Variants in TACC2 observed in about 807,000 individuals in gnomAD.
TACC2 encodes transforming acidic coiled-coil-containing protein 2.
In TACC2, 137 loss-of-function variants were observed where a neutral mutation model predicts 227.3. The ratio of observed to expected loss-of-function variants is 0.60; its 90% CI spans 0.52 to 0.69. The LOEUF is 0.69. TACC2 is among the 30% of genes least tolerant of loss of function. The pLI is 0.00. For missense variants in TACC2, 3,470 were observed against 3,694.4 expected, an observed-to-expected ratio of 0.94 and a Z score of 1.57; for synonymous variants, 1,523 against 1,487.5, an observed-to-expected ratio of 1.02 and a Z score of -0.55.
intron 5 of TACC2, among the ~76,000 whole-genome samples, chr10:122,128,584 T>G (rs2087343041): frequency 6.6e-6 from 1 of 152,176 alleles, no homozygotes; most frequent in African/African-American, 2.4e-5. Context: ...GTGGAAAATA[T>G]GAGTACAGAA....
intron 3 of TACC2, among the ~76,000 whole-genome samples, chr10:122,073,762 C>T (rs1381102738): frequency 6.6e-6 from 1 of 152,080 alleles, no homozygotes; most frequent in Middle Eastern, 3.2e-3. Flanking sequence ...ATTCCTTGGA[C>T]AGAGGAAGCT....
Position 122,185,669 on chromosome 10 carries a change from A to T in TACC2, c.5835-9371A>T, listed in dbSNP as rs550645368. Among the ~76,000 whole-genome samples the T allele has an allele frequency of 2.6e-5, 4 of 152,292 alleles. No individual in the cohort carries two copies. The East Asian group carries it at 7.7e-4, about 29-fold the overall frequency. ...AGCTTTTTATTGAGTAATGTGCAGG[A>T]TCCTTTAGTGCAAGCTCTGTGTCAC... On this transcript the variant is annotated intron_variant, in intron 7 of 22. Transcript: ENST00000369005.
intron 3 of TACC2, among the ~76,000 whole-genome samples, chr10:122,072,137 C>A (rs2078152329): frequency 6.6e-6 from 1 of 151,850 alleles, no homozygotes; most frequent in African/African-American, 2.4e-5. Flanking sequence ...TGCCACTATG[C>A]CCGGCTAATT....
intron 6 of TACC2, among the ~76,000 whole-genome samples, chr10:122,134,478 C>T (rs1451858084): frequency 9.2e-5 from 14 of 152,072 alleles, no homozygotes; most frequent in African/African-American, 2.7e-4. Context: ...CTCGCCTGGC[C>T]GAGTCAGCCA....
rs755940383 is a variant in TACC2, at chr10:122,082,861, T to G, written c.361T>G (p.Cys121Gly). ...MPFAECPPEG[C>G]LASPAAAPED... is the part of the protein sequence containing the mutation. Reference sequence around the variant, plus strand: ...CTTTGCCGAGTGTCCCCCGGAAGGTTGCTTGGCAAGTCCAGCAGCGGCACC... The same window carrying G: ...CTTTGCCGAGTGTCCCCCGGAAGGTGGCTTGGCAAGTCCAGCAGCGGCACC... Residue 121 changes from cysteine (C) to glycine (G), a missense_variant, in exon 4 of 23, where the codon TGC (cysteine) becomes GGC (glycine). Cys to Gly is a radical substitution (Grantham distance 159). Coordinates refer to ENST00000369005, the MANE Select transcript of TACC2 (RefSeq NM_206862.4). 4 of 1,613,458 alleles carry G rather than the reference T, an allele frequency of 2.5e-6. No individual in the cohort carries two copies. The highest frequency in any genetic ancestry group is 1.6e-4 in the Middle Eastern group (1 of 6,062).
chr10:122,021,679 G>T (rs983498494), intron 1 of TACC2, among the ~76,000 whole-genome samples: 1 of 152,164 alleles, frequency 6.6e-6, no homozygotes, highest in African/African-American at 2.4e-5. Context: ...CACTAGCTCA[G>T]AGTCTCAGTA....
intron 18 of TACC2, among the ~76,000 whole-genome samples, chr10:122,238,285 C>G (rs1402365897): frequency 6.6e-6 from 1 of 152,192 alleles, no homozygotes; most frequent in Non-Finnish European, 1.5e-5. Context: ...CCCACTCAGC[C>G]TCCAGTTCCA....
intron 1 of TACC2, among the ~76,000 whole-genome samples, chr10:122,019,583 T>G (rs889917876): frequency 1.3e-5 from 2 of 152,184 alleles, no homozygotes; most frequent in Non-Finnish European, 2.9e-5. Flanking sequence ...AAAGGAGCCC[T>G]GCTGATGTAA....
intron 1 of TACC2, among the ~76,000 whole-genome samples, chr10:121,997,410 G>A (rs540863626): frequency 5.3e-5 from 8 of 152,254 alleles, no homozygotes; most frequent in African/African-American, 9.6e-5. Context: ...TCATTGCCTC[G>A]TGATGAGTGG....
intron 2 of TACC2, among the ~76,000 whole-genome samples, chr10:122,041,886 C>A (rs539882170): frequency 6.6e-6 from 1 of 152,368 alleles, no homozygotes. Flanking sequence ...CAGGTTTTGG[C>A]CAGATGCATC....
chr10:122,012,621 A>G (rs74158476), intron 1 of TACC2, among the ~76,000 whole-genome samples: 3,266 of 152,200 alleles, frequency 0.021, 119 homozygotes, highest in African/African-American at 0.074. Flanking sequence ...TAGAAAGGCA[A>G]AAAGCAAACT....
intron 7 of TACC2, among the ~76,000 whole-genome samples, chr10:122,164,423 C>T (rs1180388410): frequency 6.6e-6 from 1 of 152,224 alleles, no homozygotes; most frequent in East Asian, 1.9e-4. Context: ...GGGCAGATGG[C>T]GTGGTGCGCT....
At chr10:122,076,678 G>A (rs2078848000) in intron 3 of TACC2, among the ~76,000 whole-genome samples, 1 of 151,636 alleles carries the variant, frequency 6.6e-6, no homozygotes, top group Non-Finnish European at 1.5e-5. Flanking sequence ...TGATTGAGAA[G>A]TGCTGCCTTA....
chr10:122,148,485 C>T (rs970034633), intron 7 of TACC2, among the ~76,000 whole-genome samples: 2 of 152,262 alleles, frequency 1.3e-5, no homozygotes, highest in East Asian at 1.9e-4. Flanking sequence ...AGCCAGGCAT[C>T]GCCTGTTGGA....
intron 3 of TACC2, among the ~76,000 whole-genome samples, chr10:122,064,023 G>A (rs370277692): frequency 1.1e-4 from 16 of 151,998 alleles, no homozygotes; most frequent in African/African-American, 3.1e-4. Flanking sequence ...TTAGCCGGGC[G>A]CGGTGGTGTA....
At chr10:122,007,604 C>T (rs879433091) in intron 1 of TACC2, among the ~76,000 whole-genome samples, 2 of 152,254 alleles carry the variant, frequency 1.3e-5, no homozygotes, top group East Asian at 1.9e-4. Context: ...GTTTAACAGT[C>T]GCCTGGTCTG....
chr10:122,052,339 G>A (rs975474070), intron 3 of TACC2: 1 of 152,080 alleles, frequency 6.6e-6, no homozygotes, highest in Non-Finnish European at 1.5e-5. Flanking sequence ...GTCTTTTGTT[G>A]CTTGTTCCCC....
At chr10:122,095,933 C>T (rs937735112) in intron 5 of TACC2, among the ~76,000 whole-genome samples, 1 of 152,210 alleles carries the variant, frequency 6.6e-6, no homozygotes, top group Admixed American at 6.5e-5. Context: ...GCTGTGGCTT[C>T]CACACAGGAC....
chr10:122,178,432 T>C (rs2093828996), intron 7 of TACC2, among the ~76,000 whole-genome samples: 1 of 152,076 alleles, frequency 6.6e-6, no homozygotes, highest in Non-Finnish European at 1.5e-5. Context: ...AGGCAAGGTT[T>C]CCTCATGTTG....
Sources: allele counts gnomAD v4.1 joint callset (sites outside exome capture counted in the v4.1 genomes callset), GRCh38; gene constraint gnomAD v4.1.1; transcripts MANE v1.5; gene names NCBI Gene and HGNC (gene_info 2026-07-23, HGNC 2026-07-21).